The following KCNH5 variants were observed in gnomAD, a reference collection of about 807,000 sequenced individuals.
The protein encoded by KCNH5 is potassium voltage-gated channel subfamily H member 5.
Under a neutral mutation model 96.1 loss-of-function variants are expected in KCNH5, and 46 were observed. The observed-to-expected ratio is 0.48, with a 90% CI of 0.38 to 0.61. KCNH5 has a LOEUF of 0.61. Ranked by LOEUF, KCNH5 falls within the 20% of genes least tolerant of loss-of-function variation. KCNH5 has a pLI of 0.00. For synonymous variants in KCNH5, 439 were observed against 449.8 expected (o/e 0.98, Z 0.30); for missense variants, 907 against 1,225.8 (o/e 0.74, Z 3.88).
chr14:62,832,394 C>A (rs991802613), intron 8 of KCNH5, among the ~76,000 whole-genome samples: 1 of 152,090 alleles, frequency 6.6e-6, no homozygotes, highest in Non-Finnish European at 1.5e-5. Context: ...TTTCACTTAG[C>A]ATAATGTCCT....
chr14:62,835,821 G>GT (rs1190793671), intron 8 of KCNH5, among the ~76,000 whole-genome samples: 3 of 151,330 alleles, frequency 2.0e-5, no homozygotes, highest in Non-Finnish European at 3.0e-5. Flanking sequence ...GCTTGTTTTG[G>GT]TTTTTTTTGT....
intron 8 of KCNH5, among the ~76,000 whole-genome samples, chr14:62,805,092 T>C (rs1233647355): frequency 2.0e-5 from 3 of 152,148 alleles, no homozygotes; most frequent in Non-Finnish European, 4.4e-5. Flanking sequence ...TTTAAATACA[T>C]ACACACATAC....
chr14:62,861,937 A>G (rs1888043724), intron 7 of KCNH5, among the ~76,000 whole-genome samples: 5 of 152,198 alleles, frequency 3.3e-5, no homozygotes. Flanking sequence ...AAAAGGAATA[A>G]GAAAATACAA....
chr14:62,703,099 A>C lies in KCNH5; in HGVS notation c.*4409T>G, dbSNP rs373514691. The stretch of plus-strand genomic sequence containing the variant: ...ATTAAGTAGAAATAAGAAAAATCAC[A>C]AAATTTACCTATCTTTCTCTTCTCT... On this transcript the variant is annotated 3_prime_UTR_variant, in exon 11 of 11. Coordinates refer to ENST00000322893, the MANE Select transcript of KCNH5 (RefSeq NM_139318.5). 4.6e-5 allele frequency: 7 copies of C among 152,028 alleles called. No individual in the cohort carries two copies. Among genetic ancestry groups the C allele is most frequent in the African/African-American group, 1.4e-4 (6 of 41,538 alleles). 9.4% of individuals were successfully genotyped at this position (152,028 alleles called of 1,614,324 possible).
chr14:62,775,928 A>G (rs1886085962), intron 10 of KCNH5, among the ~76,000 whole-genome samples: 1 of 152,158 alleles, frequency 6.6e-6, no homozygotes, highest in South Asian at 2.1e-4. Context: ...CCCCAATGTG[A>G]TGGTATTTGG....
chr14:62,976,119 G>A (rs1890493842), intron 6 of KCNH5, among the ~76,000 whole-genome samples: 1 of 150,488 alleles, frequency 6.6e-6, no homozygotes, highest in African/African-American at 2.4e-5. Flanking sequence ...AAAGGAAATT[G>A]GCCAGGTGCA....
intron 9 of KCNH5, among the ~76,000 whole-genome samples, chr14:62,796,366 C>A (rs1244627310): frequency 6.6e-6 from 1 of 152,142 alleles, no homozygotes; most frequent in Non-Finnish European, 1.5e-5. Flanking sequence ...AATTCAAGTG[C>A]TAAAGACTCT....
intron 7 of KCNH5, among the ~76,000 whole-genome samples, chr14:62,859,926 G>A (rs1888000601): frequency 6.6e-6 from 1 of 152,218 alleles, no homozygotes; most frequent in Non-Finnish European, 1.5e-5. Flanking sequence ...AGGCAGGGTG[G>A]CAGGAATGGA....
At chr14:62,774,555 T>C (rs2139969790) in intron 10 of KCNH5, among the ~76,000 whole-genome samples, 1 of 152,344 alleles carries the variant, frequency 6.6e-6, no homozygotes, top group South Asian at 2.1e-4. Flanking sequence ...TTTTAAAATG[T>C]AGGTGTCACC....
At chr14:63,006,579 T>C (rs937659495) in intron 2 of KCNH5, 107 bp from the exon 3 acceptor site, 3 of 666,436 alleles carry the variant, frequency 4.5e-6, no homozygotes, top group Non-Finnish European at 5.4e-6. Context: ...CTAGAAAATA[T>C]AATATTGCTC....
intron 10 of KCNH5, among the ~76,000 whole-genome samples, chr14:62,765,911 CA>C (rs993163576): frequency 3.4e-4 from 51 of 152,134 alleles, no homozygotes; most frequent in Middle Eastern, 3.4e-3. Context: ...AGATAACTCA[CA>C]GAATGGGAGA....
intron 10 of KCNH5, among the ~76,000 whole-genome samples, chr14:62,749,470 TC>T (rs1885449665): frequency 6.6e-6 from 1 of 152,184 alleles, no homozygotes. Flanking sequence ...TGGGGATCCT[TC>T]CTTCCAAGTT....
intron 7 of KCNH5, among the ~76,000 whole-genome samples, chr14:62,852,384 A>C (rs558759563): frequency 6.6e-6 from 1 of 152,336 alleles, no homozygotes; most frequent in East Asian, 1.9e-4. Context: ...ACAAGATAAT[A>C]ATTTAAAGTC....
At position 62,702,016 on chromosome 14, in the gene KCNH5, C is replaced by G. The variant is rs1006461525; in HGVS notation, c.*5492G>C. On this transcript the variant is annotated 3_prime_UTR_variant, in exon 11 of 11. Coordinates refer to ENST00000322893, the MANE Select transcript of KCNH5 (RefSeq NM_139318.5). ...AAATTTTAAAAATAAATTCTGGAGTCTCATCCAAATCCCACTATTAAAAAG... is the reference window on the plus strand; with the variant it reads ...AAATTTTAAAAATAAATTCTGGAGTGTCATCCAAATCCCACTATTAAAAAG... The G allele has an allele frequency of 3.9e-5, 6 of 151,948 alleles. No individual in the cohort carries two copies. Among genetic ancestry groups the G allele is most frequent in the Admixed American group, 1.3e-4 (2 of 15,234 alleles). 9.4% of individuals were successfully genotyped at this position (151,948 alleles called of 1,614,324 possible). A position where few individuals can be genotyped will look rare whatever the true frequency, so the allele number is the denominator to read the frequency against.
At chr14:62,774,174 C>G (rs141610924) in intron 10 of KCNH5, among the ~76,000 whole-genome samples, 1 of 152,140 alleles carries the variant, frequency 6.6e-6, no homozygotes, top group Non-Finnish European at 1.5e-5. Flanking sequence ...TGACAACACA[C>G]GAGAAATGCT....
In KCNH5 at chr14:62,756,520, G is replaced by A. The variant is rs187895381; in HGVS notation, c.2019+23208C>T. Among the ~76,000 whole-genome samples, 52 of 152,210 alleles carry A rather than the reference G, an allele frequency of 3.4e-4. No individual in the cohort carries two copies. In the East Asian group the frequency reaches 9.1e-3, roughly 27 times the overall value. On this transcript the variant is annotated intron_variant, in intron 10 of 10. Transcript: ENST00000322893. Reference sequence around the variant, plus strand: ...TGTCCTAAGCAAAAGGAAGAAAACTGTAGAAATCATATTAACTGACTTCAA... The same window carrying A: ...TGTCCTAAGCAAAAGGAAGAAAACTATAGAAATCATATTAACTGACTTCAA...
intron 8 of KCNH5, among the ~76,000 whole-genome samples, chr14:62,846,919 G>A (rs1446318486): frequency 7.0e-6 from 1 of 142,506 alleles, no homozygotes; most frequent in Admixed American, 7.3e-5. Context: ...TCCTGCCTCA[G>A]CCTCTCGAGT....
chr14:62,992,830 A>G (rs1890835858), intron 4 of KCNH5, among the ~76,000 whole-genome samples: 1 of 151,846 alleles, frequency 6.6e-6, no homozygotes, highest in South Asian at 2.1e-4. Flanking sequence ...TAAGTTCCAT[A>G]TGTCTGTTTT....
intron 7 of KCNH5, among the ~76,000 whole-genome samples, chr14:62,866,494 G>A (rs1034192837): frequency 7.8e-4 from 118 of 152,134 alleles, no homozygotes; most frequent in Non-Finnish European, 1.4e-3. Flanking sequence ...ATGGAATAAA[G>A]CCATATCAAG....
Sources: gnomAD v4.1 joint callset for allele counts (sites outside exome capture counted in the v4.1 genomes callset) on GRCh38, gnomAD v4.1.1 for gene constraint, MANE v1.5 for transcripts, NCBI Gene and HGNC (gene_info 2026-07-23, HGNC 2026-07-21) for gene names.